Variants in DNM3 observed in about 807,000 individuals in gnomAD.
DNM3 encodes the protein dynamin-3.
In DNM3, 47 loss-of-function variants were observed where a neutral mutation model predicts 101.6. That is an observed-to-expected ratio of 0.46 (90% CI 0.37 to 0.59). DNM3 has a LOEUF of 0.59. DNM3 is among the 20% of genes least tolerant of loss of function. DNM3 has a pLI of 0.00. For synonymous variants in DNM3, 385 were observed against 387.9 expected (o/e 0.99, Z 0.09); for missense variants, 849 against 1,085.7 (o/e 0.78, Z 3.06).
chr1:172,201,693 C>A (rs1299208337), intron 14 of DNM3, among the ~76,000 whole-genome samples: 1 of 152,208 alleles, frequency 6.6e-6, no homozygotes, highest in African/African-American at 2.4e-5. Context: ...GTAGCAAGGG[C>A]AGTTCCACTG....
At chr1:171,848,880 A>G (rs1571231810) in intron 1 of DNM3, among the ~76,000 whole-genome samples, 2 of 152,244 alleles carry the variant, frequency 1.3e-5, no homozygotes, top group African/African-American at 4.8e-5. Flanking sequence ...AATTATATGA[A>G]TGATACAGGA....
intron 4 of DNM3, among the ~76,000 whole-genome samples, chr1:172,001,756 T>C (rs888589309): frequency 1.3e-5 from 2 of 152,058 alleles, no homozygotes; most frequent in Non-Finnish European, 2.9e-5. Flanking sequence ...CAGAATTAAC[T>C]ACTCAGCTGG....
At chr1:172,066,414 A>G (rs938811227) in intron 10 of DNM3, among the ~76,000 whole-genome samples, 22 of 152,166 alleles carry the variant, frequency 1.4e-4, no homozygotes, top group Admixed American at 2.0e-4. Flanking sequence ...CAGGGTATCA[A>G]TCATATTGTA....
chr1:172,105,309 T>A (rs573904635), intron 13 of DNM3, among the ~76,000 whole-genome samples: 2 of 152,324 alleles, frequency 1.3e-5, no homozygotes, highest in East Asian at 3.9e-4. Flanking sequence ...TGAAACAGGG[T>A]CCAGTAGTTT....
chr1:171,947,928 T>C (rs2042265599), intron 2 of DNM3, among the ~76,000 whole-genome samples: 1 of 152,220 alleles, frequency 6.6e-6, no homozygotes, highest in South Asian at 2.1e-4. Flanking sequence ...TGGAGTTTTC[T>C]GTTGGGAAAG....
chr1:172,117,421 T>C (rs779823385), intron 13 of DNM3, among the ~76,000 whole-genome samples: 3 of 152,118 alleles, frequency 2.0e-5, no homozygotes, highest in Non-Finnish European at 4.4e-5. Context: ...AATTGAATCA[T>C]TGGGGCCAGT....
chr1:172,220,977 G>C (rs1427386968), intron 14 of DNM3, among the ~76,000 whole-genome samples: 1 of 152,136 alleles, frequency 6.6e-6, no homozygotes, highest in Non-Finnish European at 1.5e-5. Context: ...GGTTTAGGAA[G>C]ATTTGGGATT....
intron 4 of DNM3, among the ~76,000 whole-genome samples, chr1:172,027,957 T>A (rs4916413): frequency 0.32 from 48,335 of 151,938 alleles, 8,282 homozygotes; most frequent in East Asian, 0.68. Flanking sequence ...AGACTTGGAC[T>A]TCCACATAAT....
intron 15 of DNM3, among the ~76,000 whole-genome samples, chr1:172,284,159 C>T (rs1332966328): frequency 6.6e-6 from 1 of 152,174 alleles, no homozygotes; most frequent in Non-Finnish European, 1.5e-5. Flanking sequence ...TTCTTTGAAA[C>T]AGCCATCTGG....
intron 2 of DNM3, among the ~76,000 whole-genome samples, chr1:171,924,930 G>A (rs895018626): frequency 3.4e-5 from 5 of 146,052 alleles, no homozygotes; most frequent in Admixed American, 6.9e-5. Context: ...ATGGAGTCTC[G>A]CTCTTCTTGC....
chr1:172,119,024 C>T (rs575480500), intron 13 of DNM3, among the ~76,000 whole-genome samples: 3 of 150,314 alleles, frequency 2.0e-5, no homozygotes, highest in African/African-American at 7.3e-5. Context: ...CAGAGTTTCA[C>T]TCTTGTTGCC....
rs535605573 is a variant in DNM3, at chr1:172,372,715, G to A, written c.1894-6303G>A. On this transcript the variant is annotated intron_variant, in intron 17 of 20. Coordinates refer to ENST00000627582, the MANE Select transcript of DNM3 (RefSeq NM_015569.5). ...TTTTTTTTTTTGGAAAGAGAGTCTTGCTTTGTCACCCAGGCTGAAGTGCAG... is the reference window on the plus strand; with the variant it reads ...TTTTTTTTTTTGGAAAGAGAGTCTTACTTTGTCACCCAGGCTGAAGTGCAG... Among the ~76,000 whole-genome samples the A allele has an allele frequency of 2.0e-3, 165 of 84,400 alleles. 3 individuals carry two copies. The Admixed American group carries it at 0.03, about 15-fold the overall frequency. The allele number at this position is 84,400 out of a possible 152,430, so 55.4% of individuals were successfully genotyped here.
At chr1:172,085,759 G>A (rs1398679711) in intron 12 of DNM3, among the ~76,000 whole-genome samples, 1 of 152,220 alleles carries the variant, frequency 6.6e-6, no homozygotes, top group South Asian at 2.1e-4. Flanking sequence ...TGAAGGCAGT[G>A]CATTTCAACC....
intron 15 of DNM3, among the ~76,000 whole-genome samples, chr1:172,254,383 A>G (rs2148690133): frequency 6.6e-6 from 1 of 152,340 alleles, no homozygotes; most frequent in South Asian, 2.1e-4. Context: ...CAAATTTCAT[A>G]TACTATGACT....
At chr1:172,057,069 T>C (rs1445653694) in intron 10 of DNM3, among the ~76,000 whole-genome samples, 1 of 152,116 alleles carries the variant, frequency 6.6e-6, no homozygotes, top group Non-Finnish European at 1.5e-5. Flanking sequence ...GGAGCCGATG[T>C]GATCAACTGG....
intron 14 of DNM3, among the ~76,000 whole-genome samples, chr1:172,159,578 A>G (rs2058470450): frequency 6.6e-6 from 1 of 152,124 alleles, no homozygotes; most frequent in African/African-American, 2.4e-5. Flanking sequence ...TCAATTGTGT[A>G]CAGGATAGAA....
At position 171,989,114 on chromosome 1, in the gene DNM3, T is replaced by C. The variant is rs751704138; in HGVS notation, c.555T>C (p.Asp185=). The change falls in exon 4 of 21, where the codon GAT becomes GAC. Residue 185 remains aspartate, a synonymous_variant. Coordinates refer to ENST00000627582, the MANE Select transcript of DNM3 (RefSeq NM_015569.5). ...TPANTDLANS[D]ALKLAKEVDP... is the part of the protein sequence containing the mutation. ...CCAACACTGATCTTGCAAACTCAGA[T>C]GCGCTGAAGCTAGCTAAAGAAGTTG... 1.9e-6 allele frequency: 3 copies of C among 1,613,026 alleles called. No individual in the cohort carries two copies. In the East Asian group the frequency reaches 6.7e-5, roughly 36 times the overall value.
At chr1:172,331,297 G>T (rs1001348005) in intron 17 of DNM3, among the ~76,000 whole-genome samples, 46 of 152,194 alleles carry the variant, frequency 3.0e-4, no homozygotes, top group Non-Finnish European at 3.7e-4. Context: ...TCTGGCTCTT[G>T]ATTTTTCTGC....
intron 14 of DNM3, chr1:172,132,995 C>A: frequency 6.5e-7 from 1 of 1,528,416 alleles, no homozygotes; most frequent in Non-Finnish European, 8.8e-7. Context: ...CCTATGCTTT[C>A]AACCACAAAT....
Sources: allele counts gnomAD v4.1 joint callset (sites outside exome capture counted in the v4.1 genomes callset), GRCh38; gene constraint gnomAD v4.1.1; transcripts MANE v1.5; gene names NCBI Gene and HGNC (gene_info 2026-07-23, HGNC 2026-07-21).